KIAA1549L: variants seen among roughly 807,000 people sequenced by gnomAD.
KIAA1549L encodes UPF0606 protein KIAA1549L.
A neutral mutation model predicts 160.7 loss-of-function variants in KIAA1549L; 88 were observed. The observed-to-expected ratio is 0.55, with a 90% CI of 0.46 to 0.65. The LOEUF (loss-of-function observed/expected upper bound fraction) is 0.65. Ranked by LOEUF, KIAA1549L falls within the 30% of genes least tolerant of loss-of-function variation. The pLI is 0.00. For synonymous variants in KIAA1549L, 950 were observed against 976.7 expected, an observed-to-expected ratio of 0.97 and a Z score of 0.51; for missense variants, 2,258 against 2,437.5, an observed-to-expected ratio of 0.93 and a Z score of 1.55.
Position 33,606,690 on chromosome 11 carries a change from C to T in KIAA1549L, c.4929C>T (p.Ser1643=). The T allele has an allele frequency of 6.2e-7, 1 of 1,613,966 alleles. No individual in the cohort carries two copies. Among genetic ancestry groups the T allele is most frequent in the Non-Finnish European group, 8.5e-7 (1 of 1,179,870 alleles). Residue 1643 remains serine, a synonymous_variant, in exon 14 of 21, where the codon AGC becomes AGT. Coordinates refer to ENST00000658780, the MANE Select transcript of KIAA1549L (RefSeq NM_012194.3). ...EEGAVLFDNS[S]KVAAEPFDTS... is the part of the protein sequence containing the mutation. ...GAGCGGTTCTATTTGACAACTCCAG[C>T]AAGGTGGCCGCTGAACCCTTTGACA...
chr11:33,534,621 T>G (rs1164169127), intron 1 of KIAA1549L, among the ~76,000 whole-genome samples: 1 of 152,190 alleles, frequency 6.6e-6, no homozygotes, highest in Non-Finnish European at 1.5e-5. Context: ...GCCTGTTTCA[T>G]AGCAACATTT....
chr11:33,435,481 A>G (rs892518241), intron 1 of KIAA1549L, among the ~76,000 whole-genome samples: 3 of 152,008 alleles, frequency 2.0e-5, no homozygotes, highest in African/African-American at 7.2e-5. Context: ...CACATGTATT[A>G]TAGTAGGGAA....
intron 1 of KIAA1549L, among the ~76,000 whole-genome samples, chr11:33,499,649 G>A (rs774579412): frequency 9.2e-5 from 14 of 152,160 alleles, no homozygotes; most frequent in Admixed American, 2.0e-4. Context: ...TCAACTTGTA[G>A]GACCTTGGAA....
At chr11:33,493,742 C>T (rs919729869) in intron 1 of KIAA1549L, among the ~76,000 whole-genome samples, 7 of 152,200 alleles carry the variant, frequency 4.6e-5, no homozygotes, top group Non-Finnish European at 8.8e-5. Context: ...TGCCACAGTT[C>T]CGAAGTTGGG....
chr11:33,403,535 C>CAG (rs1850582825), intron 1 of KIAA1549L: 1 of 145,550 alleles, frequency 6.9e-6, no homozygotes, highest in African/African-American at 2.7e-5. Flanking sequence ...CAGACACACA[C>CAG]ACGCACAGAC....
rs143300526 is a variant in KIAA1549L at position 33,393,923 on chromosome 11, G to A, written c.238+17034G>A. 7.5e-4 allele frequency among the ~76,000 whole-genome samples: 114 copies of A among 152,308 alleles called. 1 individual carries two copies. In the East Asian group the frequency reaches 0.019, roughly 26 times the overall value. On this transcript the variant is annotated intron_variant, in intron 1 of 20. Transcript: ENST00000658780. ...GAGAATCTCCTGGTATGTTCTCACA[G>A]TACCTCTGAAAACCTGTTGTGTTAT...
intron 1 of KIAA1549L, among the ~76,000 whole-genome samples, chr11:33,443,157 G>T (rs1223227074): frequency 1.3e-5 from 2 of 151,972 alleles, no homozygotes; most frequent in African/African-American, 4.8e-5. Flanking sequence ...TTCATTTAGA[G>T]TGATTCGTTT....
chr11:33,582,859 T>C (rs1855687431), intron 10 of KIAA1549L, among the ~76,000 whole-genome samples: 1 of 152,234 alleles, frequency 6.6e-6, no homozygotes, highest in East Asian at 1.9e-4. Context: ...CTGCTCATGT[T>C]ACATTTTACT....
At chr11:33,623,007 G>A (rs528587703) in intron 16 of KIAA1549L, among the ~76,000 whole-genome samples, 1 of 152,336 alleles carries the variant, frequency 6.6e-6, no homozygotes, top group South Asian at 2.1e-4. Context: ...AGTTGCACTT[G>A]CAGAACAATG....
intron 15 of KIAA1549L, among the ~76,000 whole-genome samples, chr11:33,613,593 G>A (rs11823713): frequency 0.28 from 42,232 of 151,830 alleles, 6,219 homozygotes; most frequent in East Asian, 0.36. Context: ...ACCAGATGTC[G>A]CGAGAACTCA....
intron 1 of KIAA1549L, among the ~76,000 whole-genome samples, chr11:33,397,486 G>A (rs964991339): frequency 1.4e-4 from 21 of 151,042 alleles, no homozygotes; most frequent in South Asian, 1.1e-3. Context: ...CAAGGTGGGC[G>A]GATCACAAGG....
chr11:33,383,266 T>G (rs1294759703), intron 1 of KIAA1549L, among the ~76,000 whole-genome samples: 1 of 149,406 alleles, frequency 6.7e-6, no homozygotes, highest in African/African-American at 2.5e-5. Flanking sequence ...TGTGGTTTTC[T>G]TTCTTTCTTT....
rs756189410 is a variant in KIAA1549L at position 33,568,182 on chromosome 11, C to A, written c.4185C>A (p.Gly1395=). Residue 1395 remains glycine, a synonymous_variant, in exon 9 of 21, where the codon GGC becomes GGA. Coordinates refer to ENST00000658780, the MANE Select transcript of KIAA1549L (RefSeq NM_012194.3). ...AQLFMMSQQQ[G]RRFKRATTLG... ...TATTCATGATGTCCCAGCAACAAGG[C>A]CGGCGGTTTAAACGGGCCACCACCC... is the stretch of plus-strand genomic sequence containing the variant. 1.9e-6 allele frequency: 3 copies of A among 1,613,656 alleles called. No individual in the cohort carries two copies. Among genetic ancestry groups the A allele is most frequent in the Non-Finnish European group, 2.5e-6 (3 of 1,179,776 alleles).
chr11:33,465,205 C>T lies in KIAA1549L; in HGVS notation c.239-76597C>T, dbSNP rs114296888. 8.8e-3 allele frequency among the ~76,000 whole-genome samples: 1,333 copies of T among 152,006 alleles called. 9 individuals carry two copies. The highest frequency in any genetic ancestry group is 0.03 in the African/African-American group (1,240 of 41,486). ...CAAGTAGCTGGGGATTGTAGGCTCA[C>T]GCCACCATGCCTTGCTATTTTGTAT... On this transcript the variant is annotated intron_variant, in intron 1 of 20. Coordinates refer to ENST00000658780, the MANE Select transcript of KIAA1549L (RefSeq NM_012194.3).
chr11:33,599,055 C>A (rs1244284976), intron 13 of KIAA1549L, 108 bp downstream of exon 13: 1 of 1,317,544 alleles, frequency 7.6e-7, no homozygotes, highest in Middle Eastern at 2.7e-4. Flanking sequence ...TGGGCTCTGA[C>A]CCTCAGTCGT....
chr11:33,495,425 T>C (rs1317867474), intron 1 of KIAA1549L, among the ~76,000 whole-genome samples: 1 of 151,990 alleles, frequency 6.6e-6, no homozygotes, highest in Non-Finnish European at 1.5e-5. Flanking sequence ...TGATTTCCAA[T>C]TTCATCCATG....
chr11:33,659,855 T>C (rs1407023365), intron 19 of KIAA1549L, among the ~76,000 whole-genome samples: 3 of 152,210 alleles, frequency 2.0e-5, no homozygotes, highest in Admixed American at 6.5e-5. Flanking sequence ...TCCCAGCAGA[T>C]GATGCCCTTT....
At chr11:33,466,865 A>T (rs1228843618) in intron 1 of KIAA1549L, among the ~76,000 whole-genome samples, 2 of 151,190 alleles carry the variant, frequency 1.3e-5, no homozygotes, top group Non-Finnish European at 2.9e-5. Flanking sequence ...AAATATCACA[A>T]GGGCAGAAAA....
chr11:33,401,283 ATATT>A (rs1034469229), intron 1 of KIAA1549L, among the ~76,000 whole-genome samples: 9 of 147,950 alleles, frequency 6.1e-5, no homozygotes, highest in South Asian at 2.1e-4. Flanking sequence ...TATATAAAAT[ATATT>A]TATATATAAA....
Sources: gnomAD v4.1 joint callset for allele counts (sites outside exome capture counted in the v4.1 genomes callset) on GRCh38, gnomAD v4.1.1 for gene constraint, MANE v1.5 for transcripts, NCBI Gene and HGNC (gene_info 2026-07-23, HGNC 2026-07-21) for gene names.